The following ADAMTS18 variants were observed in gnomAD, a reference collection of about 807,000 sequenced individuals.
ADAMTS18 encodes ADAM metallopeptidase with thrombospondin type 1 motif 18.
ADAMTS18 carries 157 observed loss-of-function variants against 165.9 expected under a neutral mutation model. The ratio of observed to expected loss-of-function variants is 0.95; its 90% CI spans 0.83 to 1.08. ADAMTS18 has a LOEUF of 1.08. Ranked by LOEUF, ADAMTS18 falls within the 50% of genes least tolerant of loss-of-function variation. The pLI is 0.00. For missense variants in ADAMTS18, 2,040 were observed against 1,534.0 expected (o/e 1.33, Z -5.51); for synonymous variants, 782 against 578.2 (o/e 1.35, Z -5.06).
In ADAMTS18 at chr16:77,334,722, C is replaced by CTATAGTA. The variant is rs1567491790; in HGVS notation, c.1859+1033_1859+1034insTACTATA. ...TATATATACTGTATACTATAGTATA[C>CTATAGTA]TACTATATACTATAGTATATATACT... is the stretch of plus-strand genomic sequence containing the variant. On this transcript the variant is annotated intron_variant, in intron 12 of 22. Coordinates refer to ENST00000282849, the MANE Select transcript of ADAMTS18 (RefSeq NM_199355.4). 1.3e-3 allele frequency among the ~76,000 whole-genome samples: 56 copies of CTATAGTA among 43,292 alleles called. 1 individual carries two copies. Among genetic ancestry groups the CTATAGTA allele is most frequent in the African/African-American group, 0.01 (54 of 5,354 alleles). 28.4% of individuals were successfully genotyped at this position (43,292 alleles called of 152,430 possible). A position where few individuals can be genotyped will look rare whatever the true frequency, so the allele number is the denominator to read the frequency against.
intron 10 of ADAMTS18, among the ~76,000 whole-genome samples, chr16:77,344,007 T>C (rs939838800): frequency 1.4e-4 from 21 of 151,244 alleles, no homozygotes; most frequent in African/African-American, 4.9e-4. Flanking sequence ...ATGTAGATTT[T>C]ACAGTTAGAA....
chr16:77,360,876 C>A (rs1242558126), intron 7 of ADAMTS18, among the ~76,000 whole-genome samples: 1 of 152,096 alleles, frequency 6.6e-6, no homozygotes, highest in South Asian at 2.1e-4. Context: ...CATTTGAGGT[C>A]AGGAGTTCGA....
chr16:77,347,245 T>C (rs537724204), intron 10 of ADAMTS18, among the ~76,000 whole-genome samples: 136 of 152,328 alleles, frequency 8.9e-4, no homozygotes, highest in African/African-American at 3.1e-3. Flanking sequence ...ATGAATCAAA[T>C]AGTAGCTGAG....
chr16:77,355,030 T>C lies in ADAMTS18; in HGVS notation c.1460+910A>G, dbSNP rs748700993. Among the ~76,000 whole-genome samples the C allele has an allele frequency of 1.3e-4, 20 of 152,318 alleles. No homozygotes were observed. In the Middle Eastern group the frequency reaches 0.01, roughly 78 times the overall value. On this transcript the variant is annotated intron_variant, in intron 9 of 22. Transcript: ENST00000282849. ...ATCTTCACGTTTAATATGCTTTGTG[T>C]ATAGATCTTACTAATTCTTTAAACA...
chr16:77,342,062 G>T (rs1427137127), intron 10 of ADAMTS18, among the ~76,000 whole-genome samples: 2 of 152,172 alleles, frequency 1.3e-5, no homozygotes, highest in Non-Finnish European at 2.9e-5. Context: ...AGAACACTTG[G>T]CTTGGAAGTG....
At chr16:77,406,601 A>T (rs58022703) in intron 3 of ADAMTS18, among the ~76,000 whole-genome samples, 32,046 of 151,958 alleles carry the variant, frequency 0.21, 3,539 homozygotes, top group Middle Eastern at 0.29. Context: ...AATTTATAAC[A>T]TTACCAGGTA....
chr16:77,291,695 C>G (rs1190365652), intron 20 of ADAMTS18, among the ~76,000 whole-genome samples: 1 of 152,154 alleles, frequency 6.6e-6, no homozygotes, highest in Admixed American at 6.5e-5. Flanking sequence ...AACTGACTTT[C>G]CCAAAATCAC....
chr16:77,312,879 A>G (rs2055809170), intron 16 of ADAMTS18, among the ~76,000 whole-genome samples: 1 of 152,176 alleles, frequency 6.6e-6, no homozygotes, highest in Admixed American at 6.5e-5. Flanking sequence ...TGTGGAAGAC[A>G]GTGTGGCGAT....
At chr16:77,291,919 C>G (rs76519332) in intron 20 of ADAMTS18, among the ~76,000 whole-genome samples, 2,526 of 152,306 alleles carry the variant, frequency 0.017, 68 homozygotes, top group African/African-American at 0.058. Context: ...ATGGGAAAAA[C>G]CACTGTACAG....
At chr16:77,405,895 C>G (rs11149985) in intron 3 of ADAMTS18, among the ~76,000 whole-genome samples, 3 of 151,986 alleles carry the variant, frequency 2.0e-5, no homozygotes, top group Non-Finnish European at 2.9e-5. Flanking sequence ...TCTCACAGAT[C>G]CTACTTCCAA....
intron 9 of ADAMTS18, 21 bp from the exon 10 acceptor site, chr16:77,353,907 T>A: frequency 1.9e-6 from 3 of 1,614,070 alleles, no homozygotes; most frequent in Non-Finnish European, 2.5e-6. Flanking sequence ...AATACATGCT[T>A]ATTAATTACT....
At chr16:77,328,066 C>T (rs942385541) in intron 12 of ADAMTS18, among the ~76,000 whole-genome samples, 1 of 152,006 alleles carries the variant, frequency 6.6e-6, no homozygotes, top group Non-Finnish European at 1.5e-5. Flanking sequence ...CTGCCAAGCA[C>T]AATGGGAAAT....
intron 8 of ADAMTS18, among the ~76,000 whole-genome samples, chr16:77,356,922 T>C (rs995219122): frequency 2.0e-5 from 3 of 150,652 alleles, no homozygotes; most frequent in Non-Finnish European, 2.9e-5. Context: ...TGGTAGAAGA[T>C]GGGGAAATAA....
intron 19 of ADAMTS18, among the ~76,000 whole-genome samples, chr16:77,294,334 C>G (rs1029599927): frequency 6.6e-6 from 1 of 152,120 alleles, no homozygotes; most frequent in Non-Finnish European, 1.5e-5. Flanking sequence ...GCCAGGAGCA[C>G]TCATCTCCCC....
intron 3 of ADAMTS18, among the ~76,000 whole-genome samples, chr16:77,430,157 C>G (rs2057721065): frequency 6.6e-6 from 1 of 151,564 alleles, no homozygotes; most frequent in Non-Finnish European, 1.5e-5. Context: ...ACAAAACAAA[C>G]AAACAAACAA....
intron 12 of ADAMTS18, among the ~76,000 whole-genome samples, chr16:77,331,973 G>A (rs1345090642): frequency 1.3e-5 from 2 of 152,130 alleles, no homozygotes; most frequent in Admixed American, 1.3e-4. Context: ...TTGCTCTAGT[G>A]TCATTATTTC....
chr16:77,383,581 T>C (rs1227556262), intron 3 of ADAMTS18, among the ~76,000 whole-genome samples: 1 of 152,096 alleles, frequency 6.6e-6, no homozygotes, highest in South Asian at 2.1e-4. Context: ...TCTCCCTCTG[T>C]CACCCAGGCT....
chr16:77,388,274 A>G (rs1212446569), intron 3 of ADAMTS18, among the ~76,000 whole-genome samples: 3 of 151,904 alleles, frequency 2.0e-5, no homozygotes, highest in Non-Finnish European at 4.4e-5. Flanking sequence ...TAATTTTTGT[A>G]TTTTTATTGG....
intron 6 of ADAMTS18, among the ~76,000 whole-genome samples, chr16:77,363,080 A>G (rs1198181009): frequency 6.6e-6 from 1 of 152,190 alleles, no homozygotes; most frequent in Admixed American, 6.6e-5. Flanking sequence ...TTACAGAAGA[A>G]GAGGAAAAGC....
Sources: gnomAD v4.1 joint callset for allele counts (sites outside exome capture counted in the v4.1 genomes callset) on GRCh38, gnomAD v4.1.1 for gene constraint, MANE v1.5 for transcripts, NCBI Gene and HGNC (gene_info 2026-07-23, HGNC 2026-07-21) for gene names.